Variants in ANGPT1 observed in about 807,000 individuals in gnomAD.
ANGPT1 encodes the protein angiopoietin-1.
ANGPT1 carries 17 observed loss-of-function variants against 62.2 expected under a neutral mutation model. That is an observed-to-expected ratio of 0.27 (90% CI 0.19 to 0.41). The LOEUF is 0.41. ANGPT1 is among the 10% of genes least tolerant of loss of function. The pLI, the probability that ANGPT1 is intolerant of heterozygous loss-of-function variation, is 1.00. For synonymous variants in ANGPT1, 199 were observed against 198.9 expected, an observed-to-expected ratio of 1.00 and a Z score of 0.00; for missense variants, 478 against 594.9, an observed-to-expected ratio of 0.80 and a Z score of 2.04.
intron 3 of ANGPT1, among the ~76,000 whole-genome samples, chr8:107,326,542 T>C (rs1018139743): frequency 7.2e-5 from 11 of 152,108 alleles, no homozygotes; most frequent in African/African-American, 2.2e-4. Flanking sequence ...TCCAAAAGAC[T>C]GCTCTCTTCT....
At chr8:107,365,898 C>G (rs544021791) in intron 1 of ANGPT1, among the ~76,000 whole-genome samples, 1 of 143,530 alleles carries the variant, frequency 7.0e-6, no homozygotes, top group South Asian at 2.3e-4. Flanking sequence ...CACGATTTTG[C>G]CTGTATACAC....
chr8:107,311,831 G>A (rs1052662627), intron 4 of ANGPT1, among the ~76,000 whole-genome samples: 12 of 152,100 alleles, frequency 7.9e-5, no homozygotes, highest in African/African-American at 2.7e-4. Flanking sequence ...CTGGAAGTCC[G>A]AGGCGGGCGG....
chr8:107,306,287 C>G (rs892647304), intron 4 of ANGPT1, among the ~76,000 whole-genome samples: 1 of 152,000 alleles, frequency 6.6e-6, no homozygotes, highest in Non-Finnish European at 1.5e-5. Context: ...ATTGAATTAG[C>G]CTCTCCTGGT....
At chr8:107,413,415 A>G (rs1810644738) in intron 1 of ANGPT1, among the ~76,000 whole-genome samples, 2 of 152,096 alleles carry the variant, frequency 1.3e-5, no homozygotes, top group South Asian at 4.1e-4. Flanking sequence ...AAGCCAAAAA[A>G]TGGAGGTATG....
Position 107,285,880 on chromosome 8 carries a change from T to C in ANGPT1, c.1039-1032A>G, listed in dbSNP as rs935711079. Among the ~76,000 whole-genome samples the C allele has an allele frequency of 2.6e-5, 4 of 152,124 alleles. 1 individual carries two copies. Among genetic ancestry groups the C allele is most frequent in the African/African-American group, 4.8e-5 (2 of 41,424 alleles). ...CCTGATGATAGAAACTGTGTTGTAT[T>C]TGTGAATTTCCAAAAACCAGTGAAG... On this transcript the variant is annotated intron_variant, in intron 6 of 8. Transcript: ENST00000517746.
In ANGPT1 at chr8:107,294,275, C is replaced by A. The variant is rs10095838; in HGVS notation, c.937-238G>T. The A allele has an allele frequency of 0.027, 9,571 of 354,176 alleles. 291 individuals carry two copies. Among genetic ancestry groups the A allele is most frequent in the African/African-American group, 0.095 (4,456 of 46,968 alleles). The allele number at this position is 354,176 out of a possible 1,614,324, so 21.9% of individuals were successfully genotyped here. ...ATAAATTACATGCACAAATTTTAGT[C>A]AGCTGAAAATTAAGTCTTTGTCTCA... On this transcript the variant is annotated intron_variant, in intron 5 of 8. Coordinates refer to ENST00000517746, the MANE Select transcript of ANGPT1 (RefSeq NM_001146.5).
chr8:107,478,346 C>G (rs533997413), intron 1 of ANGPT1, among the ~76,000 whole-genome samples: 5 of 151,358 alleles, frequency 3.3e-5, no homozygotes, highest in African/African-American at 1.2e-4. Context: ...GTCAGGAGCT[C>G]GAGACCAGCC....
chr8:107,365,480 AT>A (rs1009546311), intron 1 of ANGPT1, among the ~76,000 whole-genome samples: 1 of 152,078 alleles, frequency 6.6e-6, no homozygotes, highest in African/African-American at 2.4e-5. Context: ...GTCCACTGAG[AT>A]TTCTGAGTTT....
chr8:107,342,108 G>T (rs1815708526), intron 2 of ANGPT1, among the ~76,000 whole-genome samples: 1 of 152,172 alleles, frequency 6.6e-6, no homozygotes, highest in Admixed American at 6.5e-5. Context: ...TTCACTCAGT[G>T]TTCTTAGTTG....
At chr8:107,261,465 G>T (rs1813489014) in intron 8 of ANGPT1, among the ~76,000 whole-genome samples, 1 of 152,078 alleles carries the variant, frequency 6.6e-6, no homozygotes. Context: ...CAGCACTTTG[G>T]GAGGCCGAGG....
At chr8:107,478,478 G>C (rs1242826843) in intron 1 of ANGPT1, among the ~76,000 whole-genome samples, 1 of 152,158 alleles carries the variant, frequency 6.6e-6, no homozygotes, top group African/African-American at 2.4e-5. Context: ...CAACCTGGGA[G>C]GCAGAGGTTG....
At chr8:107,258,001 T>G (rs1423935872) in intron 8 of ANGPT1, among the ~76,000 whole-genome samples, 1 of 151,500 alleles carries the variant, frequency 6.6e-6, no homozygotes, top group Non-Finnish European at 1.5e-5. Context: ...TTCTCTTCTT[T>G]TTGTTCTAAA....
chr8:107,270,033 C>T (rs1196337172), intron 7 of ANGPT1, among the ~76,000 whole-genome samples: 1 of 152,016 alleles, frequency 6.6e-6, no homozygotes, highest in East Asian at 1.9e-4. Flanking sequence ...TATAGGACAA[C>T]AGTGAGTTCT....
chr8:107,436,449 C>T (rs982978955), intron 1 of ANGPT1, among the ~76,000 whole-genome samples: 2 of 152,132 alleles, frequency 1.3e-5, no homozygotes, highest in African/African-American at 4.8e-5. Flanking sequence ...TATTTGTTAG[C>T]TTAGTTCTTT....
At chr8:107,437,592 T>G (rs921156437) in intron 1 of ANGPT1, among the ~76,000 whole-genome samples, 1 of 152,202 alleles carries the variant, frequency 6.6e-6, no homozygotes, top group Non-Finnish European at 1.5e-5. Flanking sequence ...CTTGGCACAG[T>G]AGCTCTGTTT....
chr8:107,331,214 T>C (rs1815412662), intron 3 of ANGPT1, among the ~76,000 whole-genome samples: 1 of 152,198 alleles, frequency 6.6e-6, no homozygotes, highest in African/African-American at 2.4e-5. Context: ...TAGTAAGGCA[T>C]AATTTGGTAT....
chr8:107,284,355 AG>A (rs1814087040), intron 7 of ANGPT1: 1 of 113,462 alleles, frequency 8.8e-6, no homozygotes, highest in Non-Finnish European at 1.7e-5. Flanking sequence ...TAAGCCAATG[AG>A]TTTGAGTATG....
At chr8:107,356,596 G>A (rs994281682) in intron 1 of ANGPT1, among the ~76,000 whole-genome samples, 7 of 152,176 alleles carry the variant, frequency 4.6e-5, no homozygotes, top group Non-Finnish European at 1.0e-4. Flanking sequence ...TTCCAGCCTA[G>A]GCAACAGAGT....
intron 1 of ANGPT1, among the ~76,000 whole-genome samples, chr8:107,378,577 C>A (rs1040708691): frequency 2.6e-5 from 4 of 152,118 alleles, no homozygotes; most frequent in Non-Finnish European, 4.4e-5. Context: ...AATCTCATCT[C>A]AAATTGTAAT....
Sources: allele counts gnomAD v4.1 joint callset (sites outside exome capture counted in the v4.1 genomes callset), GRCh38; gene constraint gnomAD v4.1.1; transcripts MANE v1.5; gene names NCBI Gene and HGNC (gene_info 2026-07-23, HGNC 2026-07-21).